The following MGAT4C variants were observed in gnomAD, a reference collection of about 807,000 sequenced individuals.
MGAT4C encodes the protein alpha-1,3-mannosyl-glycoprotein 4-beta-N-acetylglucosaminyltransferase C.
A neutral mutation model predicts 40.1 loss-of-function variants in MGAT4C; 19 were observed. The ratio of observed to expected loss-of-function variants is 0.47; its 90% confidence interval spans 0.33 to 0.70. MGAT4C has a LOEUF of 0.70. Ranked by LOEUF, MGAT4C falls within the 30% of genes least tolerant of loss-of-function variation. The pLI, the probability that MGAT4C is intolerant of heterozygous loss-of-function variation, is 0.02. For missense variants in MGAT4C, 491 were observed against 563.2 expected (o/e 0.87, Z 1.30); for synonymous variants, 181 against 187.1 (o/e 0.97, Z 0.27).
intron 4 of MGAT4C, among the ~76,000 whole-genome samples, chr12:86,281,065 T>G (rs578081085): frequency 6.6e-6 from 1 of 152,200 alleles, no homozygotes; most frequent in Admixed American, 6.6e-5. Flanking sequence ...TTTGTTTGTT[T>G]TCTATTATCC....
At chr12:86,830,971 A>C (rs1952915400) in intron 1 of MGAT4C, among the ~76,000 whole-genome samples, 1 of 151,814 alleles carries the variant, frequency 6.6e-6, no homozygotes, top group Admixed American at 6.6e-5. Context: ...ACAAATGCTA[A>C]ATACAACTGA....
chr12:86,028,219 A>G, intron 2 of MGAT4C: 2 of 1,266,456 alleles, frequency 1.6e-6, no homozygotes, highest in Non-Finnish European at 2.1e-6. Flanking sequence ...TGATGGAAAA[A>G]AGTTCAAAAT....
intron 2 of MGAT4C, among the ~76,000 whole-genome samples, chr12:86,571,659 G>A (rs553908759): frequency 2.8e-4 from 43 of 152,176 alleles, no homozygotes; most frequent in African/African-American, 9.1e-4. Context: ...ATATGTACAT[G>A]TGGACACATG....
At chr12:86,589,662 A>G (rs1051646118) in intron 2 of MGAT4C, among the ~76,000 whole-genome samples, 1 of 152,074 alleles carries the variant, frequency 6.6e-6, no homozygotes, top group East Asian at 1.9e-4. Flanking sequence ...TCAATAAAAT[A>G]CTGGCAAACC....
chr12:86,773,214 G>T (rs1951668977), intron 1 of MGAT4C, among the ~76,000 whole-genome samples: 1 of 152,128 alleles, frequency 6.6e-6, no homozygotes, highest in African/African-American at 2.4e-5. Flanking sequence ...GTCTTAAAAT[G>T]AGCTCATTAA....
chr12:86,595,828 T>C (rs1449344675), intron 2 of MGAT4C, among the ~76,000 whole-genome samples: 1 of 152,216 alleles, frequency 6.6e-6, no homozygotes, highest in Non-Finnish European at 1.5e-5. Flanking sequence ...GTGGGCCTTA[T>C]TAAAGCTACA....
chr12:86,273,576 C>T (rs138742880), intron 4 of MGAT4C, among the ~76,000 whole-genome samples: 1 of 152,144 alleles, frequency 6.6e-6, no homozygotes, highest in African/African-American at 2.4e-5. Context: ...ATTGGACTGT[C>T]CAACTATGAA....
At chr12:86,198,369 T>C (rs1028980377) in intron 1 of MGAT4C, among the ~76,000 whole-genome samples, 1 of 152,210 alleles carries the variant, frequency 6.6e-6, no homozygotes, top group African/African-American at 2.4e-5. Flanking sequence ...TTTTCCACAA[T>C]CTAATTTTTT....
Position 85,973,861 on chromosome 12 carries a change from T to C in MGAT4C, c.*5428A>G, listed in dbSNP as rs547527611. On this transcript the variant is annotated 3_prime_UTR_variant, in exon 5 of 5. Transcript: ENST00000611864. ...GAAAAGATATTCAGATCCAGTTATC[T>C]GGCAAATGGTCTCAAACATACATTT... 2 of 151,024 alleles carry C rather than the reference T, an allele frequency of 1.3e-5. No homozygotes were observed. Among genetic ancestry groups the C allele is most frequent in the African/African-American group, 4.8e-5 (2 of 41,442 alleles). The allele number at this position is 151,024 out of a possible 1,614,324, so 9.4% of individuals were successfully genotyped here. A position where few individuals can be genotyped will look rare whatever the true frequency, so the allele number is the denominator to read the frequency against.
intron 2 of MGAT4C, among the ~76,000 whole-genome samples, chr12:86,643,071 G>A (rs565081501): frequency 2.0e-4 from 31 of 151,696 alleles, no homozygotes; most frequent in African/African-American, 7.5e-4. Context: ...CTATATACTA[G>A]GTAATTTATA....
In MGAT4C at chr12:86,304,436, A is replaced by G. The variant is rs141355704; in HGVS notation, c.-57+29629T>C. On this transcript the variant is annotated intron_variant, in intron 4 of 7. Transcript: ENST00000548651. ...TATTAGATTAAGAGAATAAGAAAAA[A>G]TAGCAAAATCAAAAATTTATACTTA... Among the ~76,000 whole-genome samples, 11 of 150,822 alleles carry G rather than the reference A, an allele frequency of 7.3e-5. No individual in the cohort carries two copies. In the East Asian group the frequency reaches 2.1e-3, roughly 29 times the overall value.
chr12:86,365,928 G>A (rs1365970034), intron 3 of MGAT4C, among the ~76,000 whole-genome samples: 2 of 152,136 alleles, frequency 1.3e-5, no homozygotes, highest in African/African-American at 4.8e-5. Flanking sequence ...TGTGGAAAAT[G>A]CCATTGGTAT....
intron 1 of MGAT4C, among the ~76,000 whole-genome samples, chr12:86,738,304 C>G (rs1951015593): frequency 6.6e-6 from 1 of 151,510 alleles, no homozygotes; most frequent in Non-Finnish European, 1.5e-5. Flanking sequence ...GGTATTCCAG[C>G]CAAACTACCC....
intron 1 of MGAT4C, among the ~76,000 whole-genome samples, chr12:86,207,922 G>C (rs1950320188): frequency 6.6e-6 from 1 of 152,224 alleles, no homozygotes; most frequent in Admixed American, 6.5e-5. Context: ...AAGTATTATG[G>C]TCTTAATTGA....
At chr12:86,674,471 G>A (rs1236873206) in intron 2 of MGAT4C, among the ~76,000 whole-genome samples, 1 of 152,096 alleles carries the variant, frequency 6.6e-6, no homozygotes, top group Non-Finnish European at 1.5e-5. Context: ...CGAGATGGGA[G>A]AATCACCAGA....
intron 1 of MGAT4C, among the ~76,000 whole-genome samples, chr12:86,093,940 C>T (rs1197790138): frequency 1.3e-5 from 2 of 152,146 alleles, no homozygotes; most frequent in African/African-American, 4.8e-5. Context: ...ACATTTCTTG[C>T]ATATTCTTGT....
intron 1 of MGAT4C, among the ~76,000 whole-genome samples, chr12:86,252,220 T>C (rs1479689863): frequency 3.9e-5 from 6 of 152,144 alleles, no homozygotes; most frequent in Middle Eastern, 3.4e-3. Flanking sequence ...TACTTTCAAT[T>C]ATTGAATTCT....
chr12:86,074,481 A>G (rs141883827), intron 1 of MGAT4C, among the ~76,000 whole-genome samples: 5 of 152,278 alleles, frequency 3.3e-5, no homozygotes, highest in African/African-American at 1.2e-4. Context: ...AGAATAATCC[A>G]TATTTTTATA....
In MGAT4C at chr12:86,402,122, A is replaced by G. The variant is rs1010260701; in HGVS notation, c.-120+33035T>C. On this transcript the variant is annotated intron_variant, in intron 3 of 7. Coordinates refer to the MGAT4C transcript ENST00000548651. ...TAATTTGGTGTCGTCTATTTAAAAC[A>G]CAATGCAAGCAGAATAATACTCTTT... Among the ~76,000 whole-genome samples the G allele has an allele frequency of 6.5e-4, 99 of 151,998 alleles. 1 individual carries two copies. The highest frequency in any genetic ancestry group is 2.1e-3 in the African/African-American group (85 of 41,386).
Sources: gnomAD v4.1 joint callset for allele counts (sites outside exome capture counted in the v4.1 genomes callset) on GRCh38, gnomAD v4.1.1 for gene constraint, MANE v1.5 for transcripts, NCBI Gene and HGNC (gene_info 2026-07-23, HGNC 2026-07-21) for gene names.